Variants in MAPK8 observed in about 807,000 individuals in gnomAD.
The protein encoded by MAPK8 is mitogen-activated protein kinase 8.
MAPK8 carries 13 observed loss-of-function variants against 52.9 expected under a neutral mutation model. The ratio of observed to expected loss-of-function variants is 0.25; its 90% confidence interval spans 0.16 to 0.39. The LOEUF (loss-of-function observed/expected upper bound fraction) is 0.39, where lower values mean the gene tolerates loss of function less well. Among genes scored for constraint, MAPK8 ranks in the 10% least tolerant of loss-of-function variants. The pLI is 1.00. For missense variants in MAPK8, 300 were observed against 519.2 expected (o/e 0.58, Z 4.10); for synonymous variants, 191 against 169.8 (o/e 1.12, Z -0.97).
At chr10:48,357,920 T>G (rs1380097208) in intron 1 of MAPK8, among the ~76,000 whole-genome samples, 1 of 152,198 alleles carries the variant, frequency 6.6e-6, no homozygotes, top group Non-Finnish European at 1.5e-5. Flanking sequence ...TGGGTTTGTC[T>G]TTTTTGGATA....
chr10:48,309,811 G>A (rs1367569095), intron 1 of MAPK8, among the ~76,000 whole-genome samples: 2 of 152,176 alleles, frequency 1.3e-5, no homozygotes, highest in African/African-American at 4.8e-5. Context: ...TCTGACATTA[G>A]GATTCCAGTG....
At chr10:48,307,529 CTCTT>C (rs1240297563) in intron 1 of MAPK8, among the ~76,000 whole-genome samples, 2 of 152,166 alleles carry the variant, frequency 1.3e-5, no homozygotes, top group Admixed American at 1.3e-4. Context: ...ACCCTCCCAT[CTCTT>C]TGTCTCGCAT....
At chr10:48,307,926 C>T (rs545178686) in intron 1 of MAPK8, among the ~76,000 whole-genome samples, 5 of 152,174 alleles carry the variant, frequency 3.3e-5, no homozygotes, top group African/African-American at 1.2e-4. Context: ...ATAGATGGAC[C>T]TTTAAATGAG....
At chr10:48,341,973 A>G (rs1469244875) in intron 1 of MAPK8, among the ~76,000 whole-genome samples, 1 of 152,260 alleles carries the variant, frequency 6.6e-6, no homozygotes, top group Non-Finnish European at 1.5e-5. Flanking sequence ...GCATATGCCA[A>G]GGAACTGAGG....
At chr10:48,363,627 T>C (rs893993951) in intron 1 of MAPK8, among the ~76,000 whole-genome samples, 2 of 152,208 alleles carry the variant, frequency 1.3e-5, no homozygotes, top group Non-Finnish European at 2.9e-5. Context: ...AAAGAACATA[T>C]TTGTTACTGT....
chr10:48,381,034 T>C (rs2040970974), intron 1 of MAPK8, among the ~76,000 whole-genome samples: 1 of 152,170 alleles, frequency 6.6e-6, no homozygotes. Flanking sequence ...TTTTCTTTTG[T>C]AGTTTACTCA....
chr10:48,406,627 G>A (rs982749056), intron 3 of MAPK8, among the ~76,000 whole-genome samples: 15 of 152,184 alleles, frequency 9.9e-5, no homozygotes, highest in Non-Finnish European at 2.2e-4. Context: ...ACTGGAAATG[G>A]TAACTGAATT....
At chr10:48,311,315 A>G (rs956753872) in intron 1 of MAPK8, among the ~76,000 whole-genome samples, 1 of 152,204 alleles carries the variant, frequency 6.6e-6, no homozygotes, top group Non-Finnish European at 1.5e-5. Flanking sequence ...TTCACTCTGC[A>G]TCTCTGGGGG....
At chr10:48,312,046 T>C (rs912170004) in intron 1 of MAPK8, among the ~76,000 whole-genome samples, 13 of 152,336 alleles carry the variant, frequency 8.5e-5, no homozygotes, top group Admixed American at 5.2e-4. Context: ...CAAATATTGT[T>C]AGTCATTTCA....
chr10:48,416,948 A>G (rs530866045), intron 5 of MAPK8, among the ~76,000 whole-genome samples: 5 of 152,208 alleles, frequency 3.3e-5, no homozygotes, highest in Non-Finnish European at 2.9e-5. Context: ...CCTATAAAAG[A>G]TTGGGGCCCA....
At chr10:48,360,189 G>A (rs1847391832) in intron 1 of MAPK8, among the ~76,000 whole-genome samples, 1 of 152,192 alleles carries the variant, frequency 6.6e-6, no homozygotes, top group African/African-American at 2.4e-5. Flanking sequence ...AGAAGAAGGT[G>A]TAAAGAACTC....
At chr10:48,333,938 C>T (rs10745268) in intron 1 of MAPK8, among the ~76,000 whole-genome samples, 76,166 of 151,324 alleles carry the variant, frequency 0.5, 19,688 homozygotes, top group Middle Eastern at 0.72. Flanking sequence ...GAGCCTGGCG[C>T]TTCTGCCATC....
At chr10:48,325,323 A>C (rs1334306474) in intron 1 of MAPK8, among the ~76,000 whole-genome samples, 1 of 152,316 alleles carries the variant, frequency 6.6e-6, no homozygotes, top group East Asian at 1.9e-4. Flanking sequence ...ATTGAACTAC[A>C]GTTCTTCCTA....
chr10:48,309,275 C>A (rs780531034), intron 1 of MAPK8, among the ~76,000 whole-genome samples: 3 of 152,220 alleles, frequency 2.0e-5, no homozygotes, highest in Non-Finnish European at 2.9e-5. Context: ...TGATCACCAT[C>A]ACTAATTCCA....
intron 1 of MAPK8, among the ~76,000 whole-genome samples, chr10:48,397,397 C>T (rs2041942806): frequency 6.6e-6 from 1 of 151,864 alleles, no homozygotes; most frequent in Non-Finnish European, 1.5e-5. Flanking sequence ...CTCAAGGAGT[C>T]CTTCTGTCTT....
Position 48,396,317 on chromosome 10 carries a change from T to C in MAPK8, c.-49-5295T>C, listed in dbSNP as rs73307994. On this transcript the variant is annotated intron_variant, in intron 1 of 11. Transcript: ENST00000374189. ...TGAACAGACACTTCACCAAAGAGTA[T>C]ATAGATGACAAAGAAGCACATGAAA... Among the ~76,000 whole-genome samples the C allele has an allele frequency of 2.8e-3, 421 of 152,188 alleles. 3 individuals are homozygous for C. Among genetic ancestry groups the C allele is most frequent in the African/African-American group, 9.8e-3 (409 of 41,540 alleles).
At chr10:48,394,715 A>G (rs2041804993) in intron 1 of MAPK8, among the ~76,000 whole-genome samples, 1 of 151,930 alleles carries the variant, frequency 6.6e-6, no homozygotes, top group Non-Finnish European at 1.5e-5. Context: ...TTGTATGGAA[A>G]TTATAGTTAG....
intron 1 of MAPK8, among the ~76,000 whole-genome samples, chr10:48,346,939 A>T (rs1004528371): frequency 7.9e-5 from 12 of 152,198 alleles, no homozygotes; most frequent in African/African-American, 2.7e-4. Context: ...GGTGACTCAC[A>T]TTCTTTACCC....
intron 5 of MAPK8, among the ~76,000 whole-genome samples, chr10:48,416,902 C>T (rs1016308326): frequency 2.6e-5 from 4 of 152,084 alleles, no homozygotes; most frequent in African/African-American, 7.2e-5. Context: ...ATGTATTTTC[C>T]TTGAGGGCTG....
Sources: allele counts gnomAD v4.1 joint callset (sites outside exome capture counted in the v4.1 genomes callset), GRCh38; gene constraint gnomAD v4.1.1; transcripts MANE v1.5; gene names NCBI Gene and HGNC (gene_info 2026-07-23, HGNC 2026-07-21).